PDZD2: variants seen among roughly 807,000 people sequenced by gnomAD.
The protein encoded by PDZD2 is PDZ domain-containing protein 2.
Under a neutral mutation model 220.7 loss-of-function variants are expected in PDZD2, and 90 were observed. That is an observed-to-expected ratio of 0.41 (90% CI 0.34 to 0.49). The LOEUF (loss-of-function observed/expected upper bound fraction) is 0.49. Among genes scored for constraint, PDZD2 ranks in the 20% least tolerant of loss-of-function variants. The pLI is 0.28. For synonymous variants in PDZD2, 1,375 were observed against 1,450.5 expected (o/e 0.95, Z 1.18); for missense variants, 3,174 against 3,608.5 (o/e 0.88, Z 3.08).
At chr5:31,705,201 CACACACACAT>C (rs60954247) in intron 1 of PDZD2, among the ~76,000 whole-genome samples, 39,207 of 93,844 alleles carry the variant, frequency 0.42, 5,305 homozygotes, top group East Asian at 0.62. Flanking sequence ...CACACACACA[CACACACACAT>C]ACACACTCAC....
chr5:32,031,334 T>C (rs1561396348), intron 6 of PDZD2, among the ~76,000 whole-genome samples: 1 of 152,184 alleles, frequency 6.6e-6, no homozygotes. Flanking sequence ...TTTCTCTAGT[T>C]AGTCATCATG....
chr5:31,891,127 C>CTTTTTTTT (rs869189606), intron 2 of PDZD2, among the ~76,000 whole-genome samples: 4 of 96,420 alleles, frequency 4.1e-5, no homozygotes, highest in African/African-American at 4.5e-5. Flanking sequence ...GGGGTTTTTC[C>CTTTTTTTT]TTTTTTTTTT....
intron 1 of PDZD2, among the ~76,000 whole-genome samples, chr5:31,705,175 TACACACACAC>T (rs755393785): frequency 1.2e-5 from 1 of 84,176 alleles, no homozygotes; most frequent in African/African-American, 6.3e-5. Flanking sequence ...AATACATGTA[TACACACACAC>T]ACACACACAC....
In PDZD2 at chr5:32,091,137, T is replaced by C; in HGVS notation, c.7689T>C (p.Ala2563=). ...GTTCAGCCAGTGATACGGGTGAAGCTGCCCAGGATCTGCCTTTTAGAAGAA... is the reference window on the plus strand; with the variant it reads ...GTTCAGCCAGTGATACGGGTGAAGCCGCCCAGGATCTGCCTTTTAGAAGAA... The part of the protein sequence containing the change: ...TPSSASDTGE[A]AQDLPFRRSW... Residue 2563 remains alanine (A), a synonymous_variant, in exon 20 of 25, where the codon GCT becomes GCC. Coordinates refer to ENST00000438447, the MANE Select transcript of PDZD2 (RefSeq NM_178140.4). 1 of 1,586,968 alleles carries C rather than the reference T, an allele frequency of 6.3e-7. No homozygotes were observed. Among genetic ancestry groups the C allele is most frequent in the Non-Finnish European group, 8.6e-7 (1 of 1,159,866 alleles).
chr5:31,951,894 T>C (rs902959936), intron 2 of PDZD2, among the ~76,000 whole-genome samples: 7 of 152,262 alleles, frequency 4.6e-5, no homozygotes, highest in Non-Finnish European at 7.3e-5. Context: ...ATGTATGTTT[T>C]CTTTTTCTTT....
intron 2 of PDZD2, among the ~76,000 whole-genome samples, chr5:31,873,948 G>A (rs186890206): frequency 6.6e-6 from 1 of 151,182 alleles, no homozygotes; most frequent in Non-Finnish European, 1.5e-5. Flanking sequence ...CAGACTGGTT[G>A]AACTCCTAAC....
intron 2 of PDZD2, among the ~76,000 whole-genome samples, chr5:31,852,443 G>T (rs868360821): frequency 1.3e-5 from 2 of 151,338 alleles, no homozygotes; most frequent in Non-Finnish European, 2.9e-5. Flanking sequence ...GTGCCATCAC[G>T]CCTGGCTGAT....
At chr5:32,077,832 C>A in intron 19 of PDZD2, 1 of 431,586 alleles carries the variant, frequency 2.3e-6, no homozygotes, top group South Asian at 2.1e-5. Flanking sequence ...TGGTGCGCAC[C>A]TTTAATCCCA....
At chr5:31,713,194 G>A (rs1209582444) in intron 1 of PDZD2, among the ~76,000 whole-genome samples, 1 of 152,156 alleles carries the variant, frequency 6.6e-6, no homozygotes. Context: ...TATATTCATT[G>A]GTCTCAACAT....
intron 1 of PDZD2, among the ~76,000 whole-genome samples, chr5:31,760,712 A>C (rs1455692589): frequency 6.6e-6 from 1 of 152,112 alleles, no homozygotes; most frequent in African/African-American, 2.4e-5. Flanking sequence ...GCTTGAAACC[A>C]GGAGTTCAAG....
intron 19 of PDZD2, among the ~76,000 whole-genome samples, chr5:32,085,200 C>G (rs1742326497): frequency 1.3e-5 from 2 of 151,100 alleles, no homozygotes; most frequent in Admixed American, 1.3e-4. Flanking sequence ...GATCCACCTG[C>G]CTTGGCCTCC....
intron 5 of PDZD2, among the ~76,000 whole-genome samples, chr5:32,002,966 C>G (rs1350711665): frequency 4.5e-4 from 54 of 119,422 alleles, no homozygotes; most frequent in African/African-American, 1.6e-3. Context: ...ACACACACAC[C>G]AACACACACA....
intron 6 of PDZD2, among the ~76,000 whole-genome samples, chr5:32,013,949 G>T (rs1423568926): frequency 1.3e-5 from 2 of 152,314 alleles, no homozygotes; most frequent in South Asian, 4.1e-4. Flanking sequence ...CCCTGCAGGG[G>T]GCAGGAAGTG....
intron 19 of PDZD2, chr5:32,077,822 T>G: frequency 2.2e-6 from 1 of 451,648 alleles, no homozygotes; most frequent in Non-Finnish European, 4.1e-6. Flanking sequence ...CCGGGCGTGG[T>G]GGTGCGCACC....
chr5:31,962,715 G>A (rs1025456794), intron 2 of PDZD2, among the ~76,000 whole-genome samples: 2 of 152,212 alleles, frequency 1.3e-5, no homozygotes, highest in Non-Finnish European at 2.9e-5. Flanking sequence ...AAGTTGGGAT[G>A]CCCCTGTATC....
intron 2 of PDZD2, among the ~76,000 whole-genome samples, chr5:31,891,926 G>A (rs546463309): frequency 6.2e-4 from 92 of 149,140 alleles, no homozygotes; most frequent in African/African-American, 2.2e-3. Context: ...TTTTTTTTGC[G>A]GGGGGACAGG....
At chr5:31,724,329 G>A (rs779530658) in intron 1 of PDZD2, among the ~76,000 whole-genome samples, 6 of 152,012 alleles carry the variant, frequency 3.9e-5, no homozygotes, top group Non-Finnish European at 8.8e-5. Context: ...AAGGCCGGGC[G>A]CAGTGGCTCA....
chr5:31,999,146 A>G (rs1751886876), intron 4 of PDZD2, among the ~76,000 whole-genome samples: 1 of 152,188 alleles, frequency 6.6e-6, no homozygotes, highest in South Asian at 2.1e-4. Flanking sequence ...TTTAAGGGAA[A>G]GAAACAGAAA....
intron 14 of PDZD2, among the ~76,000 whole-genome samples, chr5:32,066,780 A>G (rs1740249425): frequency 1.3e-5 from 2 of 152,180 alleles, no homozygotes; most frequent in African/African-American, 4.8e-5. Context: ...ACTCCTGCCT[A>G]TTTTGCCAAT....
Sources: gnomAD v4.1 joint callset for allele counts (sites outside exome capture counted in the v4.1 genomes callset) on GRCh38, gnomAD v4.1.1 for gene constraint, MANE v1.5 for transcripts, NCBI Gene and HGNC (gene_info 2026-07-23, HGNC 2026-07-21) for gene names.